The following OSBPL9 variants were observed in gnomAD, a reference collection of about 807,000 sequenced individuals.
OSBPL9 encodes oxysterol-binding protein-related protein 9.
OSBPL9 carries 40 observed loss-of-function variants against 106.6 expected under a neutral mutation model. That is an observed-to-expected ratio of 0.38 (90% CI 0.29 to 0.49). The LOEUF (loss-of-function observed/expected upper bound fraction) is 0.49, where lower values mean the gene tolerates loss of function less well. OSBPL9 is among the 20% of genes least tolerant of loss of function. OSBPL9 has a pLI of 0.97. For missense variants in OSBPL9, 609 were observed against 887.2 expected, an observed-to-expected ratio of 0.69 and a Z score of 3.98; for synonymous variants, 269 against 295.4, an observed-to-expected ratio of 0.91 and a Z score of 0.92.
intron 12 of OSBPL9, among the ~76,000 whole-genome samples, chr1:51,767,839 A>G (rs1672899456): frequency 6.6e-6 from 1 of 152,126 alleles, no homozygotes; most frequent in African/African-American, 2.4e-5. Flanking sequence ...GGGTTAAAAG[A>G]AAATAAGCAT....
intron 3 of OSBPL9, among the ~76,000 whole-genome samples, chr1:51,673,063 C>G (rs1650280700): frequency 6.6e-6 from 1 of 152,102 alleles, no homozygotes; most frequent in Non-Finnish European, 1.5e-5. Context: ...AGCCCTGGGG[C>G]ACTCAAACAT....
At chr1:51,666,646 G>T (rs1319936311) in intron 2 of OSBPL9, among the ~76,000 whole-genome samples, 2 of 152,126 alleles carry the variant, frequency 1.3e-5, no homozygotes, top group Non-Finnish European at 2.9e-5. Flanking sequence ...GCCAGCTATT[G>T]CACTGAACTC....
chr1:51,569,428 G>A, the OSBPL9 span: 6 of 152,180 alleles, frequency 3.9e-5, no homozygotes, highest in South Asian at 2.1e-4. Flanking sequence ...ACATGGAGGC[G>A]GGGTGGAGTT....
At chr1:51,734,444 G>A (rs1665193735) in intron 4 of OSBPL9, among the ~76,000 whole-genome samples, 1 of 152,162 alleles carries the variant, frequency 6.6e-6, no homozygotes, top group Non-Finnish European at 1.5e-5. Context: ...TACCGTGGAG[G>A]ACTTGGCTGC....
intron 3 of OSBPL9, among the ~76,000 whole-genome samples, chr1:51,706,850 A>G (rs1005524032): frequency 4.6e-5 from 7 of 152,044 alleles, no homozygotes; most frequent in African/African-American, 1.7e-4. Context: ...ATTTAGAAGT[A>G]TTTATTTTTA....
At chr1:51,739,085 G>A (rs1014819158) in intron 4 of OSBPL9, among the ~76,000 whole-genome samples, 5 of 152,020 alleles carry the variant, frequency 3.3e-5, no homozygotes, top group Admixed American at 2.6e-4. Flanking sequence ...TTTAAAACTA[G>A]ATGAGTCCTT....
intron 2 of OSBPL9, among the ~76,000 whole-genome samples, chr1:51,662,816 C>T (rs960474681): frequency 6.8e-6 from 1 of 146,802 alleles, no homozygotes. Flanking sequence ...GTGATCTCGG[C>T]TCACTGTAAG....
the OSBPL9 span, among the ~76,000 whole-genome samples, chr1:51,552,398 AT>A: frequency 1.1e-4 from 17 of 152,222 alleles, no homozygotes; most frequent in African/African-American, 4.1e-4. Context: ...GGCTATCATT[AT>A]TCTCCACTTA....
chr1:51,727,669 A>G (rs1247796798), intron 4 of OSBPL9, among the ~76,000 whole-genome samples: 1 of 152,202 alleles, frequency 6.6e-6, no homozygotes, highest in African/African-American at 2.4e-5. Flanking sequence ...TAAAGTGGAT[A>G]CATTTTATCA....
At chr1:51,542,377 G>A in the OSBPL9 span, among the ~76,000 whole-genome samples, 12 of 152,112 alleles carry the variant, frequency 7.9e-5, no homozygotes, top group African/African-American at 2.9e-4. Flanking sequence ...AGACTCCCAC[G>A]CAAGGTCTCC....
upstream of OSBPL9, among the ~76,000 whole-genome samples, chr1:51,615,089 G>A (rs1570545152): frequency 2.0e-5 from 3 of 152,042 alleles, no homozygotes; most frequent in African/African-American, 7.2e-5. Flanking sequence ...GTGAAACCTC[G>A]TCTCTACTAA....
intron 14 of OSBPL9, among the ~76,000 whole-genome samples, chr1:51,776,045 ACT>A (rs1674996915): frequency 6.7e-6 from 1 of 149,192 alleles, no homozygotes; most frequent in African/African-American, 2.5e-5. Flanking sequence ...CATTTCAAAA[ACT>A]CTTCTCCCAT....
At chr1:51,594,061 A>G (rs1645288460) in intron 1 of OSBPL9, among the ~76,000 whole-genome samples, 2 of 152,142 alleles carry the variant, frequency 1.3e-5, no homozygotes, top group African/African-American at 4.8e-5. Context: ...AGACTGGACA[A>G]GATGACCCCC....
chr1:51,680,436 C>G (rs1403166130), intron 3 of OSBPL9, among the ~76,000 whole-genome samples: 2 of 151,778 alleles, frequency 1.3e-5, no homozygotes, highest in Admixed American at 1.3e-4. Context: ...GGGTAGATCA[C>G]TTGATCCCAG....
At chr1:51,652,183 T>C (rs1350916302) in intron 2 of OSBPL9, 142 bp downstream of exon 2, 1 of 608,592 alleles carries the variant, frequency 1.6e-6, no homozygotes, top group Non-Finnish European at 2.8e-6. Flanking sequence ...GAAAATGTGA[T>C]TTCTCCAAGT....
At chr1:51,760,643 G>A in intron 9 of OSBPL9, 47 bp from the exon 10 acceptor site, 1 of 1,611,282 alleles carries the variant, frequency 6.2e-7, no homozygotes, top group Non-Finnish European at 8.5e-7. Flanking sequence ...GGTAGCATGA[G>A]AAGAGCATTT....
chr1:51,641,121 A>G (rs1645768512), intron 1 of OSBPL9, among the ~76,000 whole-genome samples: 2 of 152,088 alleles, frequency 1.3e-5, no homozygotes, highest in Admixed American at 1.3e-4. Context: ...ACATTTAGCT[A>G]AATAGTTCTT....
At chr1:51,717,084 A>G (rs1291267014) in intron 4 of OSBPL9, among the ~76,000 whole-genome samples, 3 of 151,360 alleles carry the variant, frequency 2.0e-5, no homozygotes, top group Admixed American at 6.6e-5. Flanking sequence ...TCCCACCTCA[A>G]CCTCCTGAGT....
chr1:51,681,246 A>G (rs1652491902), intron 3 of OSBPL9, among the ~76,000 whole-genome samples: 1 of 152,218 alleles, frequency 6.6e-6, no homozygotes, highest in African/African-American at 2.4e-5. Context: ...AAAAAAATGC[A>G]TGGAAGTAGG....
Sources: gnomAD v4.1 joint callset for allele counts (sites outside exome capture counted in the v4.1 genomes callset) on GRCh38, gnomAD v4.1.1 for gene constraint, MANE v1.5 for transcripts, NCBI Gene and HGNC (gene_info 2026-07-23, HGNC 2026-07-21) for gene names.